Variants in DOP1A observed in about 807,000 individuals in gnomAD.
DOP1A encodes protein DOP1A.
In DOP1A, 90 loss-of-function variants were observed where a neutral mutation model predicts 267.6. The observed-to-expected ratio is 0.34, with a 90% CI of 0.28 to 0.40. The LOEUF (loss-of-function observed/expected upper bound fraction) is 0.40, where lower values mean the gene tolerates loss of function less well. Among genes scored for constraint, DOP1A ranks in the 10% least tolerant of loss-of-function variants. The probability of loss-of-function intolerance (pLI) is 1.00; values close to 1 mark genes in which losing one functional copy is unlikely to be tolerated. For synonymous variants in DOP1A, 932 were observed against 999.1 expected, an observed-to-expected ratio of 0.93 and a Z score of 1.27; for missense variants, 2,437 against 2,900.4, an observed-to-expected ratio of 0.84 and a Z score of 3.67.
intron 1 of DOP1A, chr6:83,073,045 T>C: frequency 6.7e-6 from 2 of 299,222 alleles, no homozygotes; most frequent in Non-Finnish European, 1.3e-5. Flanking sequence ...TTCCATATTA[T>C]ATACAGCATT....
chr6:83,119,018 G>C (rs768984245), intron 8 of DOP1A, 31 bp downstream of exon 8: 4 of 1,584,064 alleles, frequency 2.5e-6, no homozygotes, highest in Non-Finnish European at 3.5e-6. Context: ...GTCATGATTG[G>C]GGAAAAAATG....
rs73749711 is a variant in DOP1A at position 83,135,399 on chromosome 6, G to A, written c.2871-220G>A. On this transcript the variant is annotated intron_variant, in intron 19 of 38. Transcript: ENST00000349129. ...GTATGCCTGTGAAATTTCAAAGCAT[G>A]AGTATATTTTTAAAAGGGCAAAAGG... Among the ~76,000 whole-genome samples the A allele has an allele frequency of 4.3e-3, 653 of 151,670 alleles. 4 individuals carry two copies. Among genetic ancestry groups the A allele is most frequent in the African/African-American group, 0.015 (624 of 41,322 alleles).
chr6:83,095,718 C>T (rs977644535), intron 1 of DOP1A, among the ~76,000 whole-genome samples: 4 of 152,154 alleles, frequency 2.6e-5, no homozygotes, highest in Admixed American at 2.6e-4. Flanking sequence ...AGACTTAGCT[C>T]ATGTATTCCT....
intron 7 of DOP1A, among the ~76,000 whole-genome samples, chr6:83,114,441 T>C (rs757461703): frequency 3.3e-5 from 5 of 152,090 alleles, no homozygotes; most frequent in African/African-American, 1.2e-4. Flanking sequence ...GCTCATAAGT[T>C]AAGAAAGATT....
chr6:83,100,789 T>C lies in DOP1A; in HGVS notation c.223T>C (p.Leu75=). 1 of 1,595,544 alleles carries C rather than the reference T, an allele frequency of 6.3e-7. No homozygotes were observed. Among genetic ancestry groups the C allele is most frequent in the Non-Finnish European group, 8.6e-7 (1 of 1,169,312 alleles). The stretch of plus-strand genomic sequence containing the variant: ...CCTAGCTCAATGTCTACATCCAGCA[T>C]TACCAGGTGGAGTTCATCGGAAGGC... ...KRLAQCLHPA[L]PGGVHRKALE... The change falls in exon 4 of 39, where the codon TTA becomes CTA. Residue 75 remains leucine (L), a synonymous_variant. Transcript: ENST00000349129.
chr6:83,103,904 A>G (rs1467146193), intron 4 of DOP1A, among the ~76,000 whole-genome samples: 1 of 152,168 alleles, frequency 6.6e-6, no homozygotes, highest in Non-Finnish European at 1.5e-5. Context: ...CTTCTAGTGA[A>G]AACCCCTACT....
At chr6:83,125,445 G>A in intron 14 of DOP1A, 55 bp from the exon 15 acceptor site, 2 of 1,508,718 alleles carry the variant, frequency 1.3e-6, no homozygotes, top group South Asian at 1.2e-5. Context: ...ATTAAAAAAT[G>A]TAACTTTTGG....
chr6:83,169,026 A>G, downstream of DOP1A: 1 of 1,360,414 alleles, frequency 7.4e-7, no homozygotes, highest in Non-Finnish European at 9.5e-7. Context: ...TGAGACTGAA[A>G]TTAGAGGTAA....
intron 1 of DOP1A, among the ~76,000 whole-genome samples, chr6:83,072,297 G>A (rs1785754641): frequency 1.3e-5 from 2 of 151,872 alleles, no homozygotes; most frequent in Non-Finnish European, 1.5e-5. Context: ...CCTTTCATTT[G>A]GTGTTAACGG....
At chr6:83,070,578 G>C (rs1925787) in intron 1 of DOP1A, among the ~76,000 whole-genome samples, 103,758 of 152,082 alleles carry the variant, frequency 0.68, 36,311 homozygotes, top group Middle Eastern at 0.81. Context: ...GGCACATATA[G>C]TTATACTTTT....
intron 1 of DOP1A, among the ~76,000 whole-genome samples, chr6:83,074,326 TGAAA>T (rs1217380663): frequency 2.0e-5 from 3 of 152,242 alleles, no homozygotes; most frequent in Non-Finnish European, 2.9e-5. Context: ...TATTATGAGA[TGAAA>T]GGAGGAAATA....
At position 83,113,430 on chromosome 6, in the gene DOP1A, T is replaced by C. The variant is rs767794990; in HGVS notation, c.780+9T>C. On this transcript the variant is annotated intron_variant, in intron 7 of 38. Transcript: ENST00000349129. ...CATTCCACATGAGTCAGGTAAAATA[T>C]TAACGCCGATGTTATTATAAGGCAT... is the stretch of plus-strand genomic sequence containing the variant. The C allele has an allele frequency of 1.2e-6, 2 of 1,604,004 alleles. No individual in the cohort carries two copies. Among genetic ancestry groups the C allele is most frequent in the East Asian group, 2.2e-5 (1 of 44,768 alleles).
chr6:83,116,719 G>A (rs1335773520), intron 7 of DOP1A, among the ~76,000 whole-genome samples: 1 of 152,116 alleles, frequency 6.6e-6, no homozygotes, highest in Non-Finnish European at 1.5e-5. Context: ...GCTGAGGCAG[G>A]AGAATCACTT....
chr6:83,153,770 T>C (rs1254046297), intron 31 of DOP1A, 124 bp from the exon 32 acceptor site: 2 of 1,208,476 alleles, frequency 1.7e-6, no homozygotes, highest in Admixed American at 5.5e-5. Context: ...ATTATTTTTC[T>C]TATGGTGCTT....
Position 83,135,833 on chromosome 6 carries a change from G to A in DOP1A, c.3085G>A (p.Glu1029Lys). The stretch of plus-strand genomic sequence containing the variant: ...GAATAAGTCTCCCTGTTATCCAGGA[G>A]AGGAGAGTGACAAGCATTTCATGCA... ...YWNKSPCYPG[E>K]ESDKHFMQNF... Residue 1029 changes from glutamate to lysine, a missense_variant, in exon 20 of 39, where the codon GAG becomes AAG. Transcript: ENST00000349129. The A allele has an allele frequency of 6.2e-7, 1 of 1,613,660 alleles. No individual in the cohort carries two copies. Among genetic ancestry groups the A allele is most frequent in the South Asian group, 1.1e-5 (1 of 91,064 alleles).
chr6:83,122,779 T>C, intron 11 of DOP1A, 84 bp from the exon 12 acceptor site: 1 of 1,004,542 alleles, frequency 1.0e-6, no homozygotes, highest in East Asian at 3.2e-5. Context: ...CCTAGGAATA[T>C]GTACTGGCAC....
At chr6:83,121,359 A>G (rs1404638085) in intron 10 of DOP1A, among the ~76,000 whole-genome samples, 2 of 151,800 alleles carry the variant, frequency 1.3e-5, no homozygotes, top group African/African-American at 4.8e-5. Context: ...AATTTAAAAT[A>G]TAAGAATAAC....
rs1214426122 is a variant in DOP1A, at chr6:83,138,470, A to G, written c.4428A>G (p.Ala1476=). ...SHYPTHVKVT[A]QDLIGNRNMQ... is the part of the protein sequence containing the mutation. Reference sequence around the variant, plus strand: ...ACCCAACTCATGTCAAGGTTACTGCACAAGATTTAATAGGCAATCGAAACA... The same window carrying G: ...ACCCAACTCATGTCAAGGTTACTGCGCAAGATTTAATAGGCAATCGAAACA... Residue 1476 remains alanine (A), a synonymous_variant, in exon 21 of 39, where the codon GCA becomes GCG. Transcript: ENST00000349129. 1.2e-6 allele frequency: 2 copies of G among 1,612,974 alleles called. No individual in the cohort carries two copies. Among genetic ancestry groups the G allele is most frequent in the Non-Finnish European group, 1.7e-6 (2 of 1,179,932 alleles).
intron 18 of DOP1A, among the ~76,000 whole-genome samples, chr6:83,133,071 T>C (rs1778326822): frequency 6.6e-6 from 1 of 152,130 alleles, no homozygotes; most frequent in African/African-American, 2.4e-5. Flanking sequence ...ATGAAACATT[T>C]GGTAGAGGAG....
Sources: allele counts gnomAD v4.1 joint callset (sites outside exome capture counted in the v4.1 genomes callset), GRCh38; gene constraint gnomAD v4.1.1; transcripts MANE v1.5; gene names NCBI Gene and HGNC (gene_info 2026-07-23, HGNC 2026-07-21).